Variants in EED observed in about 807,000 individuals in gnomAD.
EED encodes polycomb protein EED.
Under a neutral mutation model 61.0 loss-of-function variants are expected in EED, and 9 were observed. That is an observed-to-expected ratio of 0.15 (90% CI 0.09 to 0.26). The LOEUF is 0.26. Among genes scored for constraint, EED ranks in the 10% least tolerant of loss-of-function variants. The pLI is 1.00. For missense variants in EED, 315 were observed against 542.3 expected (o/e 0.58, Z 4.16); for synonymous variants, 187 against 174.4 (o/e 1.07, Z -0.57).
At chr11:86,257,935 C>T (rs1945719180) in intron 6 of EED, among the ~76,000 whole-genome samples, 1 of 152,150 alleles carries the variant, frequency 6.6e-6, no homozygotes, top group Admixed American at 6.5e-5. Context: ...TCTCGGAGAA[C>T]ACACATAGTT....
the EED span, among the ~76,000 whole-genome samples, chr11:86,286,859 C>G: frequency 6.6e-6 from 1 of 150,674 alleles, no homozygotes; most frequent in Non-Finnish European, 1.5e-5. Flanking sequence ...GTAGTCCCAG[C>G]TACTCGGGAG....
At chr11:86,249,881 GAC>G (rs1565688095) in intron 1 of EED, among the ~76,000 whole-genome samples, 1 of 152,172 alleles carries the variant, frequency 6.6e-6, no homozygotes, top group East Asian at 1.9e-4. Flanking sequence ...ACATTATGAA[GAC>G]ATATACATCA....
intron 6 of EED, among the ~76,000 whole-genome samples, chr11:86,262,214 A>G (rs1945850902): frequency 6.6e-6 from 1 of 151,872 alleles, no homozygotes; most frequent in Non-Finnish European, 1.5e-5. Context: ...CCAGGCTGAG[A>G]GTTTATAAAT....
At chr11:86,278,121 TAA>T in intron 11 of EED, 130 bp downstream of exon 11, 8 of 1,369,690 alleles carry the variant, frequency 5.8e-6, no homozygotes, top group Non-Finnish European at 7.6e-6. Context: ...TTTTCAGAGT[TAA>T]AGTTATTCTT....
intron 1 of EED, among the ~76,000 whole-genome samples, chr11:86,247,686 G>C (rs572107026): frequency 6.6e-6 from 1 of 152,290 alleles, no homozygotes; most frequent in South Asian, 2.1e-4. Context: ...CCCTGACTTA[G>C]GGGCAGTAGT....
chr11:86,256,270 G>T (rs1945671014), intron 4 of EED, 117 bp from the exon 5 acceptor site: 1 of 1,002,768 alleles, frequency 1.0e-6, no homozygotes, highest in Admixed American at 3.1e-5. Flanking sequence ...GGTTGTATAA[G>T]GAAAATTGAG....
Position 86,278,311 on chromosome 11 carries a change from A to G in EED, c.1200-88A>G, listed in dbSNP as rs975589799. 7 of 1,515,154 alleles carry G rather than the reference A, an allele frequency of 4.6e-6. No individual in the cohort carries two copies. In the African/African-American group the frequency reaches 8.3e-5, roughly 18 times the overall value. 93.9% of individuals were successfully genotyped at this position (1,515,154 alleles called of 1,614,324 possible). A position where few individuals can be genotyped will look rare whatever the true frequency, so the allele number is the denominator to read the frequency against. ...AAGTGCTTTTCGTATGACTTGGAACATCTGCTTATTTTCTAATCCGCTGTT... is the reference window on the plus strand; with the variant it reads ...AAGTGCTTTTCGTATGACTTGGAACGTCTGCTTATTTTCTAATCCGCTGTT... On this transcript the variant is annotated intron_variant, in intron 11 of 11. Coordinates refer to ENST00000263360, the MANE Select transcript of EED (RefSeq NM_003797.5).
chr11:86,256,345 T>G, intron 4 of EED, 42 bp from the exon 5 acceptor site: 1 of 1,469,284 alleles, frequency 6.8e-7, no homozygotes, highest in East Asian at 2.3e-5. Context: ...GACATGTTTC[T>G]TTTTCAAAAA....
Position 86,250,375 on chromosome 11 carries a change from G to A in EED, c.194G>A (p.Arg65Lys). 6.2e-7 allele frequency: 1 copy of A among 1,607,994 alleles called. No homozygotes were observed. The highest frequency in any genetic ancestry group is 1.7e-5 in the Admixed American group (1 of 58,948). The change falls in exon 2 of 12, where the codon AGG becomes AAG. Residue 65 changes from arginine to lysine, a missense_variant. This residue lies in a region of EED where 110 missense variants were observed against 86.9 expected (regional missense o/e 1.27). Coordinates refer to ENST00000263360, the MANE Select transcript of EED (RefSeq NM_003797.5). Reference protein sequence around the residue: ...TPTNTPNAPGRKSWGKGKWKS... With the variant: ...TPTNTPNAPGKKSWGKGKWKS... The stretch of plus-strand genomic sequence containing the variant: ...ACAAACACGCCAAATGCACCTGGAA[G>A]GAAAAGTTGGGGAAAGGGAAAATGG...
chr11:86,252,063 A>G, intron 2 of EED, 85 bp from the exon 3 acceptor site: 1 of 1,037,982 alleles, frequency 9.6e-7, no homozygotes, highest in Non-Finnish European at 1.4e-6. Context: ...GCATTTTGGA[A>G]AAAAGAAGGG....
Position 86,278,384 on chromosome 11 carries a change from A to G in EED, c.1200-15A>G. 1.2e-6 allele frequency: 2 copies of G among 1,610,682 alleles called. No homozygotes were observed. The highest frequency in any genetic ancestry group is 1.7e-6 in the Non-Finnish European group (2 of 1,177,856). On this transcript the variant is annotated splice_polypyrimidine_tract_variant and intron_variant, in intron 11 of 11. Coordinates refer to ENST00000263360, the MANE Select transcript of EED (RefSeq NM_003797.5). ...TATGTGTGGTCTTTAACCTGTTGTC[A>G]TGTTTTTTCCCTAGATGTACAACAC...
rs536303617 is a variant in EED at position 86,244,869 on chromosome 11, C to T, written c.-361C>T. On this transcript the variant is annotated 5_prime_UTR_variant, in exon 1 of 12. Coordinates refer to ENST00000263360, the MANE Select transcript of EED (RefSeq NM_003797.5). ...GAGGGAGCATCCCTTTGAGTTTCGC[C>T]TCTTCTCGAGGCGGTGGTGGGAAGG... The T allele has an allele frequency of 4.5e-4, 112 of 251,580 alleles. No individual in the cohort carries two copies. Among genetic ancestry groups the T allele is most frequent in the Non-Finnish European group, 7.3e-4 (95 of 130,084 alleles). 15.6% of individuals were successfully genotyped at this position (251,580 alleles called of 1,614,324 possible).
downstream of EED, among the ~76,000 whole-genome samples, chr11:86,283,309 T>C (rs1946344149): frequency 6.6e-6 from 1 of 152,208 alleles, no homozygotes; most frequent in East Asian, 1.9e-4. Context: ...CCAAAGACTT[T>C]AGATATTGCA....
Position 86,245,156 on chromosome 11 carries a change from G to A in EED, c.-74G>A, listed in dbSNP as rs1181649406. 2.3e-6 allele frequency: 3 copies of A among 1,294,980 alleles called. No homozygotes were observed. The highest frequency in any genetic ancestry group is 2.6e-5 in the East Asian group (1 of 38,990). The allele number at this position is 1,294,980 out of a possible 1,614,324, so 80.2% of individuals were successfully genotyped here. On this transcript the variant is annotated 5_prime_UTR_variant, in exon 1 of 12. Coordinates refer to ENST00000263360, the MANE Select transcript of EED (RefSeq NM_003797.5). ...AGCGGCAACTTTGCGGCAAGCTCGGGCCGGGCTTGCTTGACGGCGGTGTGG... is the reference window on the plus strand; with the variant it reads ...AGCGGCAACTTTGCGGCAAGCTCGGACCGGGCTTGCTTGACGGCGGTGTGG...
chr11:86,254,767 C>T (rs574590239), intron 3 of EED, among the ~76,000 whole-genome samples: 1 of 139,298 alleles, frequency 7.2e-6, no homozygotes, highest in East Asian at 2.1e-4. Flanking sequence ...GGATTACGGG[C>T]ATGTGCCACC....
intron 4 of EED, among the ~76,000 whole-genome samples, chr11:86,255,948 T>G (rs1013389488): frequency 2.0e-5 from 3 of 152,218 alleles, no homozygotes; most frequent in Non-Finnish European, 2.9e-5. Flanking sequence ...CCTGTTGTTG[T>G]ATTGAGACTG....
chr11:86,250,564 A>T, intron 2 of EED, 116 bp downstream of exon 2: 4 of 1,214,970 alleles, frequency 3.3e-6, no homozygotes, highest in Non-Finnish European at 4.3e-6. Flanking sequence ...TAAAGTTACA[A>T]TGTTTTCTGA....
At chr11:86,277,162 G>T in intron 10 of EED, 24 bp downstream of exon 10, 1 of 1,544,996 alleles carries the variant, frequency 6.5e-7, no homozygotes, top group Non-Finnish European at 8.8e-7. Flanking sequence ...TTTACATTTT[G>T]AAATGATCTG....
intron 1 of EED, among the ~76,000 whole-genome samples, chr11:86,247,848 G>A (rs1945429521): frequency 6.6e-6 from 1 of 152,238 alleles, no homozygotes; most frequent in Admixed American, 6.5e-5. Context: ...GGTAACCTGA[G>A]CAGTTACTAC....
Sources: allele counts gnomAD v4.1 joint callset (sites outside exome capture counted in the v4.1 genomes callset), GRCh38; gene constraint gnomAD v4.1.1; regional missense constraint gnomAD v4.1.1; transcripts MANE v1.5; gene names NCBI Gene and HGNC (gene_info 2026-07-23, HGNC 2026-07-21).